The following ROBO2 variants were observed in gnomAD, a reference collection of about 807,000 sequenced individuals.
The protein encoded by ROBO2 is roundabout guidance receptor 2.
A neutral mutation model predicts 160.8 loss-of-function variants in ROBO2; 53 were observed. The ratio of observed to expected loss-of-function variants is 0.33; its 90% CI spans 0.26 to 0.41. The LOEUF is 0.41. Among genes scored for constraint, ROBO2 ranks in the 10% least tolerant of loss-of-function variants. ROBO2 has a pLI of 1.00. For synonymous variants in ROBO2, 664 were observed against 611.7 expected, an observed-to-expected ratio of 1.09 and a Z score of -1.26; for missense variants, 1,577 against 1,722.4, an observed-to-expected ratio of 0.92 and a Z score of 1.49.
At chr3:77,135,792 G>C (rs761890778) in intron 2 of ROBO2, among the ~76,000 whole-genome samples, 3 of 152,054 alleles carry the variant, frequency 2.0e-5, no homozygotes, top group Non-Finnish European at 4.4e-5. Flanking sequence ...GAAGCAGTTG[G>C]TTTTATTTTA....
chr3:77,616,671 G>A (rs2094785544), intron 21 of ROBO2, among the ~76,000 whole-genome samples: 1 of 152,074 alleles, frequency 6.6e-6, no homozygotes, highest in South Asian at 2.1e-4. Context: ...TTAAAAGGAT[G>A]TTATAATCCA....
intron 2 of ROBO2, among the ~76,000 whole-genome samples, chr3:77,356,961 T>G (rs533975504): frequency 1.1e-3 from 163 of 152,216 alleles, no homozygotes; most frequent in African/African-American, 3.7e-3. Context: ...CATGAGGAAA[T>G]ATATTAAATA....
intron 2 of ROBO2, among the ~76,000 whole-genome samples, chr3:76,043,807 C>A (rs1267596580): frequency 7.2e-5 from 11 of 151,820 alleles, no homozygotes; most frequent in Non-Finnish European, 1.6e-4. Flanking sequence ...TATCAAGGAG[C>A]AAATGGCCTC....
At position 77,550,901 on chromosome 3, in the gene ROBO2, T is replaced by A. The variant is rs1313665126; in HGVS notation, c.1143T>A (p.Ile381=). The A allele has an allele frequency of 1.9e-6, 3 of 1,613,074 alleles. No individual in the cohort carries two copies. In the African/African-American group the frequency reaches 4.0e-5, roughly 22 times the overall value. ...CTGGAGACCTCACAATCACCAACAT[T>A]CAACGTTCCGACGCGGGTTACTACA... is the stretch of plus-strand genomic sequence containing the variant. Residue 381 remains isoleucine (I), a synonymous_variant, in exon 8 of 26, where the codon ATT becomes ATA. Coordinates refer to ENST00000461745, the Ensembl canonical transcript of ROBO2.
At chr3:76,959,177 T>G (rs1341219402) in intron 2 of ROBO2, among the ~76,000 whole-genome samples, 1 of 152,204 alleles carries the variant, frequency 6.6e-6, no homozygotes, top group Non-Finnish European at 1.5e-5. Flanking sequence ...CAAACAACTC[T>G]TATTAACCAG....
At chr3:76,440,981 A>C (rs1041981293) in intron 2 of ROBO2, among the ~76,000 whole-genome samples, 3 of 152,192 alleles carry the variant, frequency 2.0e-5, no homozygotes, top group Non-Finnish European at 4.4e-5. Flanking sequence ...AAACATGCTG[A>C]AAATATGAAT....
chr3:76,501,176 T>G (rs1455273268), intron 2 of ROBO2, among the ~76,000 whole-genome samples: 1 of 152,192 alleles, frequency 6.6e-6, no homozygotes, highest in East Asian at 1.9e-4. Flanking sequence ...TTAACTTTAT[T>G]TTGGAGAGGG....
intron 2 of ROBO2, among the ~76,000 whole-genome samples, chr3:76,938,636 T>C (rs952837344): frequency 1.3e-5 from 2 of 151,920 alleles, no homozygotes; most frequent in Admixed American, 1.3e-4. Flanking sequence ...TTCAGAAAGG[T>C]TGGATCTATG....
At position 76,777,368 on chromosome 3, in the gene ROBO2, T is replaced by A. The variant is rs150292200; in HGVS notation, c.110-320646T>A. Reference sequence around the variant, plus strand: ...TGGACAGAAATGATTGCTACCAGGATGACTGGTAGAATTATGTATGAGATA... The same window carrying A: ...TGGACAGAAATGATTGCTACCAGGAAGACTGGTAGAATTATGTATGAGATA... On this transcript the variant is annotated intron_variant, in intron 2 of 26. Transcript: ENST00000487694. Among the ~76,000 whole-genome samples the A allele has an allele frequency of 2.2e-3, 338 of 151,086 alleles. 2 individuals carry two copies. Among genetic ancestry groups the A allele is most frequent in the African/African-American group, 7.7e-3 (319 of 41,374 alleles).
chr3:77,494,204 T>C (rs1367633556), intron 5 of ROBO2, among the ~76,000 whole-genome samples: 1 of 152,204 alleles, frequency 6.6e-6, no homozygotes, highest in Non-Finnish European at 1.5e-5. Flanking sequence ...CTGCTGATAT[T>C]ATAACCATCA....
chr3:76,612,126 A>G (rs753300889), intron 2 of ROBO2, among the ~76,000 whole-genome samples: 1 of 152,210 alleles, frequency 6.6e-6, no homozygotes, highest in Non-Finnish European at 1.5e-5. Context: ...GATACCTGAT[A>G]TGATTTCAGT....
At chr3:77,049,381 A>G (rs927256241) in intron 1 of ROBO2, among the ~76,000 whole-genome samples, 1 of 152,114 alleles carries the variant, frequency 6.6e-6, no homozygotes, top group South Asian at 2.1e-4. Context: ...AACCATAAAC[A>G]TCCATCTTTA....
At chr3:76,453,680 T>C (rs2077595928) in intron 2 of ROBO2, among the ~76,000 whole-genome samples, 2 of 152,128 alleles carry the variant, frequency 1.3e-5, no homozygotes, top group Non-Finnish European at 1.5e-5. Flanking sequence ...AAATAAACCT[T>C]TCGAGTTGGT....
intron 2 of ROBO2, among the ~76,000 whole-genome samples, chr3:77,116,387 CT>C (rs2150225133): frequency 6.6e-6 from 1 of 152,236 alleles, no homozygotes; most frequent in African/African-American, 2.4e-5. Flanking sequence ...CCTTAGTTTA[CT>C]TGATGACTGA....
At chr3:76,475,200 AAAAAT>A (rs1471440595) in intron 2 of ROBO2, among the ~76,000 whole-genome samples, 2 of 152,182 alleles carry the variant, frequency 1.3e-5, no homozygotes, top group Admixed American at 6.5e-5. Flanking sequence ...GACCACGGGA[AAAAAT>A]AAAATAGAGA....
At chr3:76,691,219 T>C (rs1364329585) in intron 2 of ROBO2, among the ~76,000 whole-genome samples, 1 of 152,058 alleles carries the variant, frequency 6.6e-6, no homozygotes, top group African/African-American at 2.4e-5. Flanking sequence ...GCCCAATTTT[T>C]CTATCTCTGT....
intron 2 of ROBO2, among the ~76,000 whole-genome samples, chr3:77,221,997 C>G (rs527238515): frequency 5.3e-5 from 8 of 151,316 alleles, no homozygotes; most frequent in African/African-American, 1.9e-4. Flanking sequence ...GGACTATAGC[C>G]ACCCGCCACT....
chr3:77,097,124 C>T (rs2071188080), intron 1 of ROBO2, among the ~76,000 whole-genome samples: 1 of 152,200 alleles, frequency 6.6e-6, no homozygotes, highest in African/African-American at 2.4e-5. Flanking sequence ...AGCCTTGTCT[C>T]AGGCTCCAAG....
chr3:77,248,658 C>G (rs1050235362), intron 2 of ROBO2, among the ~76,000 whole-genome samples: 1 of 152,134 alleles, frequency 6.6e-6, no homozygotes, highest in African/African-American at 2.4e-5. Context: ...TGAGACCAAC[C>G]GAGTGAGTCC....
Sources: gnomAD v4.1 joint callset for allele counts (sites outside exome capture counted in the v4.1 genomes callset) on GRCh38, gnomAD v4.1.1 for gene constraint, MANE v1.5 for transcripts, NCBI Gene and HGNC (gene_info 2026-07-23, HGNC 2026-07-21) for gene names.